Variants in MCC observed in about 807,000 individuals in gnomAD.
The protein encoded by MCC is colorectal mutant cancer protein.
In MCC, 90 loss-of-function variants were observed where a neutral mutation model predicts 116.2. The observed-to-expected ratio is 0.77, with a 90% CI of 0.65 to 0.92. The LOEUF (loss-of-function observed/expected upper bound fraction) is 0.92. Ranked by LOEUF, MCC falls within the 40% of genes least tolerant of loss-of-function variation. The pLI is 0.00. For missense variants in MCC, 1,516 were observed against 1,312.2 expected (o/e 1.16, Z -2.40); for synonymous variants, 578 against 510.5 (o/e 1.13, Z -1.78).
In MCC at chr5:113,026,025, T is replaced by C. The variant is rs1312768148; in HGVS notation, c.*1277A>G. The stretch of plus-strand genomic sequence containing the variant: ...AAATGGTCCTTCAAGTGTATCAGTG[T>C]AGAACTGAGAGAGAAGAGGTAAAAC... On this transcript the variant is annotated 3_prime_UTR_variant, in exon 19 of 19. Coordinates refer to ENST00000408903, the MANE Select transcript of MCC (RefSeq NM_001085377.2). 2.0e-5 allele frequency: 3 copies of C among 152,246 alleles called. No homozygotes were observed. Among genetic ancestry groups the C allele is most frequent in the African/African-American group, 7.2e-5 (3 of 41,458 alleles). The allele number at this position is 152,246 out of a possible 1,614,324, so 9.4% of individuals were successfully genotyped here. A position where few individuals can be genotyped will look rare whatever the true frequency, so the allele number is the denominator to read the frequency against.
At chr5:113,081,105 G>C (rs1280606893) in intron 11 of MCC, among the ~76,000 whole-genome samples, 1 of 152,178 alleles carries the variant, frequency 6.6e-6, no homozygotes, top group South Asian at 2.1e-4. Flanking sequence ...TGAAGTTAAA[G>C]GCTAACATAC....
chr5:113,117,440 G>C (rs908242449), intron 6 of MCC, among the ~76,000 whole-genome samples: 1 of 152,218 alleles, frequency 6.6e-6, no homozygotes, highest in African/African-American at 2.4e-5. Context: ...CACCTTGCGG[G>C]TATAAGAGTA....
intron 4 of MCC, among the ~76,000 whole-genome samples, chr5:113,150,611 C>T (rs1346717479): frequency 6.6e-6 from 1 of 151,698 alleles, no homozygotes; most frequent in Non-Finnish European, 1.5e-5. Context: ...AAAAACAACA[C>T]ATAATACCCC....
intron 3 of MCC, among the ~76,000 whole-genome samples, chr5:113,274,486 A>G (rs1001813791): frequency 2.0e-5 from 3 of 152,114 alleles, no homozygotes; most frequent in Non-Finnish European, 4.4e-5. Context: ...CAGCCTCCCG[A>G]GTAGCTGGGA....
intron 1 of MCC, among the ~76,000 whole-genome samples, chr5:113,437,714 C>G (rs554675707): frequency 5.3e-5 from 8 of 152,288 alleles, no homozygotes; most frequent in Admixed American, 2.6e-4. Flanking sequence ...TCTCCCACCC[C>G]CTTTTTGTCT....
chr5:113,065,566 C>T (rs1190785811), intron 13 of MCC, among the ~76,000 whole-genome samples: 2 of 152,182 alleles, frequency 1.3e-5, no homozygotes, highest in African/African-American at 2.4e-5. Context: ...GGGAGACACA[C>T]TCAGAGTCCC....
chr5:113,419,164 T>TC (rs1447390850), intron 1 of MCC, among the ~76,000 whole-genome samples: 1 of 150,482 alleles, frequency 6.6e-6, no homozygotes, highest in East Asian at 1.9e-4. Flanking sequence ...TTCTTTTTTT[T>TC]CTTTCTTTTT....
Position 113,434,862 on chromosome 5 carries a change from T to A in MCC, c.171-49650A>T. ...CATGGTGCCAGGAATGCCCAGTGCC[T>A]CTGAGGCTGCCCTCTACAGCCCCGA... On this transcript the variant is annotated intron_variant, in intron 1 of 18. Transcript: ENST00000408903. This position sits in a 1 kb window ranked among gnomAD's most constrained non-coding sequence, Gnocchi z 4.2. The A allele has an allele frequency of 6.3e-7, 1 of 1,592,832 alleles. No homozygotes were observed. The highest frequency in any genetic ancestry group is 8.6e-7 in the Non-Finnish European group (1 of 1,167,652).
At chr5:113,290,157 G>A (rs1198462772) in intron 3 of MCC, among the ~76,000 whole-genome samples, 1 of 152,220 alleles carries the variant, frequency 6.6e-6, no homozygotes, top group African/African-American at 2.4e-5. Flanking sequence ...CGAAGAGGTG[G>A]CATTTCAGGA....
At chr5:113,210,082 A>G (rs1763064716) in intron 3 of MCC, among the ~76,000 whole-genome samples, 1 of 152,172 alleles carries the variant, frequency 6.6e-6, no homozygotes, top group Non-Finnish European at 1.5e-5. Flanking sequence ...ATACCCTATG[A>G]CATTCATTAG....
chr5:113,280,669 G>A (rs7727510), intron 3 of MCC, among the ~76,000 whole-genome samples: 8,713 of 152,288 alleles, frequency 0.057, 344 homozygotes, highest in Middle Eastern at 0.11. Flanking sequence ...ACAGGAAGAA[G>A]GGGCAGTATG....
At chr5:113,353,438 A>G (rs371429174) in intron 2 of MCC, among the ~76,000 whole-genome samples, 31 of 152,250 alleles carry the variant, frequency 2.0e-4, no homozygotes, top group African/African-American at 7.0e-4. Flanking sequence ...TTATTTGTTT[A>G]TGAAAAAAAT....
intron 5 of MCC, 95 bp from the exon 6 acceptor site, chr5:113,122,921 G>A: frequency 7.6e-7 from 1 of 1,317,868 alleles, no homozygotes. Context: ...GACATTGAGA[G>A]AGAAAACAGA....
At chr5:113,279,809 G>C (rs931024129) in intron 3 of MCC, among the ~76,000 whole-genome samples, 1 of 152,100 alleles carries the variant, frequency 6.6e-6, no homozygotes, top group Non-Finnish European at 1.5e-5. Flanking sequence ...AATTATTACT[G>C]TGCATCACTA....
intron 3 of MCC, among the ~76,000 whole-genome samples, chr5:113,252,622 G>A (rs968607314): frequency 6.6e-6 from 1 of 151,988 alleles, no homozygotes; most frequent in Non-Finnish European, 1.5e-5. Context: ...AGAAATAAAG[G>A]GCACAATAAA....
At chr5:113,073,151 T>G (rs962239209) in intron 11 of MCC, among the ~76,000 whole-genome samples, 1 of 152,182 alleles carries the variant, frequency 6.6e-6, no homozygotes, top group South Asian at 2.1e-4. Context: ...GAGACATTGC[T>G]CTTCTTCCAG....
At chr5:113,298,473 T>C (rs1766766598) in intron 3 of MCC, among the ~76,000 whole-genome samples, 2 of 152,182 alleles carry the variant, frequency 1.3e-5, no homozygotes, top group South Asian at 4.1e-4. Context: ...GTAGTGACCA[T>C]GCACAATTCT....
At position 113,167,871 on chromosome 5, in the gene MCC, C is replaced by T. The variant is rs562420578; in HGVS notation, c.628-16449G>A. Among the ~76,000 whole-genome samples, 167 of 152,234 alleles carry T rather than the reference C, an allele frequency of 1.1e-3. 1 individual carries two copies. In the Middle Eastern group the frequency reaches 0.014, roughly 12 times the overall value. Reference sequence around the variant, plus strand: ...TCCTGAACTCCTAGGCTTAAGCAATCCTCCTACCACAGCCTCTCAAAGTGC... The same window carrying T: ...TCCTGAACTCCTAGGCTTAAGCAATTCTCCTACCACAGCCTCTCAAAGTGC... On this transcript the variant is annotated intron_variant, in intron 3 of 18. Coordinates refer to ENST00000408903, the MANE Select transcript of MCC (RefSeq NM_001085377.2).
chr5:113,449,019 T>C (rs539046667), intron 1 of MCC, among the ~76,000 whole-genome samples: 1 of 152,368 alleles, frequency 6.6e-6, no homozygotes, highest in South Asian at 2.1e-4. Context: ...CAATTTACTA[T>C]TAACCTTCAG....
Sources: gnomAD v4.1 joint callset for allele counts (sites outside exome capture counted in the v4.1 genomes callset) on GRCh38, gnomAD v4.1.1 for gene constraint, Gnocchi (gnomAD v3.1) non-coding constraint, MANE v1.5 for transcripts, NCBI Gene and HGNC (gene_info 2026-07-23, HGNC 2026-07-21) for gene names.